Variants in SBNO2 observed in about 807,000 individuals in gnomAD.
SBNO2 encodes the protein protein strawberry notch homolog 2.
Under a neutral mutation model 146.3 loss-of-function variants are expected in SBNO2, and 89 were observed. That is an observed-to-expected ratio of 0.61 (90% confidence interval 0.51 to 0.73). SBNO2 has a LOEUF of 0.73. Ranked by LOEUF, SBNO2 falls within the 30% of genes least tolerant of loss-of-function variation. The pLI is 0.00. For synonymous variants in SBNO2, 1,147 were observed against 892.6 expected (o/e 1.29, Z -5.08); for missense variants, 2,092 against 2,003.7 (o/e 1.04, Z -0.84).
rs2145193675 is a variant in SBNO2 at position 1,112,371 on chromosome 19, C to T, written c.2515+31G>A. 6.3e-7 allele frequency: 1 copy of T among 1,578,910 alleles called. No individual in the cohort carries two copies. Among genetic ancestry groups the T allele is most frequent in the Middle Eastern group, 1.8e-4 (1 of 5,418 alleles). On this transcript the variant is annotated intron_variant, in intron 21 of 31. Transcript: ENST00000361757. This position sits in a 1 kb window ranked among gnomAD's most constrained non-coding sequence, Gnocchi z 5.9. The stretch of plus-strand genomic sequence containing the variant: ...GCCGAGACCATGTTGGGGGCGGGGC[C>T]AGGCAGCGCTGGGGGCGGGGCCGGA...
intron 4 of SBNO2, among the ~76,000 whole-genome samples, chr19:1,138,482 A>G (rs1252015652): frequency 6.6e-6 from 1 of 151,960 alleles, no homozygotes; most frequent in East Asian, 1.9e-4. Flanking sequence ...GCTAACAGCG[A>G]TTCACAGCTG....
At chr19:1,135,535 C>T (rs573042980) in intron 4 of SBNO2, among the ~76,000 whole-genome samples, 13 of 152,336 alleles carry the variant, frequency 8.5e-5, no homozygotes, top group African/African-American at 2.6e-4. Context: ...GGGTGCGCCG[C>T]CTAGGGACCT....
intron 4 of SBNO2, among the ~76,000 whole-genome samples, chr19:1,131,474 C>G: frequency 6.6e-6 from 1 of 152,300 alleles, no homozygotes; most frequent in Admixed American, 6.5e-5. Context: ...GCAGCAGACA[C>G]AGCTCCTCCT....
intron 4 of SBNO2, among the ~76,000 whole-genome samples, chr19:1,131,132 C>G (rs2080023432): frequency 6.6e-6 from 1 of 152,198 alleles, no homozygotes; most frequent in Admixed American, 6.5e-5. Context: ...TAAGTCCCAC[C>G]CGCGCCTGTG....
At position 1,122,601 on chromosome 19, in the gene SBNO2, C is replaced by T. The variant is rs2079914994; in HGVS notation, c.915-43G>A. On this transcript the variant is annotated intron_variant, in intron 9 of 31. Coordinates refer to ENST00000361757, the MANE Select transcript of SBNO2 (RefSeq NM_014963.3). ...CAGGCGCGCCCACCCTTCCCCCTCGCCCCCCGCTTCCGCCCCCCACCCCCG... is the reference window on the plus strand; with the variant it reads ...CAGGCGCGCCCACCCTTCCCCCTCGTCCCCCGCTTCCGCCCCCCACCCCCG... The T allele has an allele frequency of 2.8e-6, 4 of 1,452,126 alleles. No individual in the cohort carries two copies. In the Admixed American group the frequency reaches 8.5e-5, roughly 31 times the overall value. The allele number at this position is 1,452,126 out of a possible 1,614,324, so 90.0% of individuals were successfully genotyped here. A position where few individuals can be genotyped will look rare whatever the true frequency, so the allele number is the denominator to read the frequency against.
intron 1 of SBNO2, among the ~76,000 whole-genome samples, chr19:1,154,883 AG>A (rs903186010): frequency 9.2e-5 from 14 of 152,248 alleles, no homozygotes; most frequent in African/African-American, 3.4e-4. Flanking sequence ...TCTCCCAAGG[AG>A]GGGGGTCAGG....
At chr19:1,133,406 G>A (rs1325488315) in intron 4 of SBNO2, among the ~76,000 whole-genome samples, 1 of 152,152 alleles carries the variant, frequency 6.6e-6, no homozygotes, top group Non-Finnish European at 1.5e-5. Flanking sequence ...AGGGCTCTGA[G>A]GGGAGAGTGG....
chr19:1,161,906 C>CGGGGGGGG (rs916715232), intron 1 of SBNO2, among the ~76,000 whole-genome samples: 1 of 1,344 alleles, frequency 7.4e-4, no homozygotes, highest in African/African-American at 4.1e-3. Flanking sequence ...TGGGGAGCCG[C>CGGGGGGGG]GGGGGGGGGG....
chr19:1,118,915 G>A (rs371790186), intron 14 of SBNO2, 96 bp downstream of exon 14: 33 of 1,318,128 alleles, frequency 2.5e-5, no homozygotes, highest in African/African-American at 7.3e-5. Context: ...AGGGCGGGCC[G>A]TCACCTGATG....
chr19:1,122,635 C>T, intron 9 of SBNO2, 23 bp downstream of exon 9: 1 of 1,527,732 alleles, frequency 6.5e-7, no homozygotes, highest in Non-Finnish European at 8.8e-7. Flanking sequence ...CGCTCCCGCC[C>T]CCTGCCCCAG....
intron 4 of SBNO2, among the ~76,000 whole-genome samples, 165 bp downstream of exon 4, chr19:1,147,144 A>G (rs2080198130): frequency 6.6e-6 from 1 of 152,126 alleles, no homozygotes; most frequent in South Asian, 2.1e-4. Flanking sequence ...ACCAAGCCAC[A>G]TCTCTGGGCT....
chr19:1,135,045 CAAAAAA>C (rs201799961), intron 4 of SBNO2, among the ~76,000 whole-genome samples: 1,477 of 51,208 alleles, frequency 0.029, 16 homozygotes, highest in Non-Finnish European at 0.046. Flanking sequence ...GACTCTGTCT[CAAAAAA>C]AAAAAAAAAA....
intron 1 of SBNO2, among the ~76,000 whole-genome samples, chr19:1,163,291 G>C (rs115744740): frequency 6.6e-6 from 1 of 152,210 alleles, no homozygotes; most frequent in Non-Finnish European, 1.5e-5. Flanking sequence ...GGAGACGGCC[G>C]CATGGAGACG....
At chr19:1,155,485 T>C (rs536306318) in intron 1 of SBNO2, among the ~76,000 whole-genome samples, 186 of 152,320 alleles carry the variant, frequency 1.2e-3, no homozygotes, top group African/African-American at 4.4e-3. Context: ...GCTGGGACCC[T>C]TGGCAGCCCT....
Position 1,157,053 on chromosome 19 carries a change from G to A in SBNO2, c.-126-2651C>T, listed in dbSNP as rs926607488. Among the ~76,000 whole-genome samples the A allele has an allele frequency of 3.5e-5, 5 of 144,082 alleles. No homozygotes were observed. Among genetic ancestry groups the A allele is most frequent in the Admixed American group, 2.9e-4 (4 of 13,864 alleles). 94.5% of individuals were successfully genotyped at this position (144,082 alleles called of 152,430 possible). A position where few individuals can be genotyped will look rare whatever the true frequency, so the allele number is the denominator to read the frequency against. ...TCCTCGGCCATATCTCACAACCCCTGCTGCCCCGATCCCCAGGCCCTCCCG... is the reference window on the plus strand; with the variant it reads ...TCCTCGGCCATATCTCACAACCCCTACTGCCCCGATCCCCAGGCCCTCCCG... On this transcript the variant is annotated intron_variant, in intron 1 of 31. Coordinates refer to ENST00000361757, the MANE Select transcript of SBNO2 (RefSeq NM_014963.3). This position sits in a 1 kb window ranked among gnomAD's most constrained non-coding sequence, Gnocchi z 6.8.
intron 4 of SBNO2, among the ~76,000 whole-genome samples, chr19:1,131,618 G>C (rs2080029274): frequency 6.6e-6 from 1 of 152,170 alleles, no homozygotes; most frequent in African/African-American, 2.4e-5. Flanking sequence ...ACCAGAGCCA[G>C]CCCTGACCAG....
rs573240877 is a variant in SBNO2 at position 1,122,576 on chromosome 19, C to T, written c.915-18G>A. 7.2e-6 allele frequency: 11 copies of T among 1,524,748 alleles called. No individual in the cohort carries two copies. In the South Asian group the frequency reaches 1.1e-4, roughly 15 times the overall value. The allele number at this position is 1,524,748 out of a possible 1,614,324, so 94.5% of individuals were successfully genotyped here. On this transcript the variant is annotated intron_variant, in intron 9 of 31. Coordinates refer to ENST00000361757, the MANE Select transcript of SBNO2 (RefSeq NM_014963.3). ...CGCTGAACCTGCGGGGTGGGGGCGT[C>T]AGGCGCGCCCACCCTTCCCCCTCGC...
chr19:1,132,477 C>T (rs1301931162), intron 4 of SBNO2, among the ~76,000 whole-genome samples: 2 of 152,222 alleles, frequency 1.3e-5, no homozygotes, highest in Non-Finnish European at 2.9e-5. Flanking sequence ...ACCCGGCGGA[C>T]GTGCAGAATG....
chr19:1,122,378 C>T lies in SBNO2; in HGVS notation c.1005+90G>A, dbSNP rs760916043. 47 of 1,517,814 alleles carry T rather than the reference C, an allele frequency of 3.1e-5. No homozygotes were observed. In the Middle Eastern group the frequency reaches 5.1e-4, roughly 17 times the overall value. 94.0% of individuals were successfully genotyped at this position (1,517,814 alleles called of 1,614,324 possible). A position where few individuals can be genotyped will look rare whatever the true frequency, so the allele number is the denominator to read the frequency against. ...TGTAAGGGTGCTGGGCAGAGCCTGCCCTGGCTGCTGGCCCACCCAGCTGAG... is the reference window on the plus strand; with the variant it reads ...TGTAAGGGTGCTGGGCAGAGCCTGCTCTGGCTGCTGGCCCACCCAGCTGAG... On this transcript the variant is annotated intron_variant, in intron 10 of 31. Coordinates refer to ENST00000361757, the MANE Select transcript of SBNO2 (RefSeq NM_014963.3).
Sources: gnomAD v4.1 joint callset for allele counts (sites outside exome capture counted in the v4.1 genomes callset) on GRCh38, gnomAD v4.1.1 for gene constraint, Gnocchi (gnomAD v3.1) non-coding constraint, MANE v1.5 for transcripts, NCBI Gene and HGNC (gene_info 2026-07-23, HGNC 2026-07-21) for gene names.